Variants in GABRB1 observed in about 807,000 individuals in gnomAD.
GABRB1 encodes gamma-aminobutyric acid receptor subunit beta-1.
GABRB1 carries 17 observed loss-of-function variants against 51.6 expected under a neutral mutation model. That is an observed-to-expected ratio of 0.33 (90% CI 0.23 to 0.49). The LOEUF (loss-of-function observed/expected upper bound fraction) is 0.49. Among genes scored for constraint, GABRB1 ranks in the 20% least tolerant of loss-of-function variants. GABRB1 has a pLI of 0.99. For synonymous variants in GABRB1, 247 were observed against 218.9 expected, an observed-to-expected ratio of 1.13 and a Z score of -1.14; for missense variants, 410 against 600.6, an observed-to-expected ratio of 0.68 and a Z score of 3.32.
intron 5 of GABRB1, among the ~76,000 whole-genome samples, chr4:47,327,548 C>T (rs545932865): frequency 6.6e-6 from 1 of 152,210 alleles, no homozygotes; most frequent in African/African-American, 2.4e-5. Context: ...TACACTATGA[C>T]CAAGTTTTCA....
intron 4 of GABRB1, among the ~76,000 whole-genome samples, chr4:47,279,434 A>G (rs1457999309): frequency 6.6e-6 from 1 of 152,148 alleles, no homozygotes; most frequent in East Asian, 1.9e-4. Context: ...TTTTGCTTAA[A>G]TTTTTAGTGT....
intron 4 of GABRB1, among the ~76,000 whole-genome samples, chr4:47,205,449 T>C (rs973694551): frequency 3.9e-5 from 6 of 152,166 alleles, no homozygotes; most frequent in African/African-American, 1.4e-4. Flanking sequence ...CTTTATTGAC[T>C]TTATGTCCTT....
intron 3 of GABRB1, among the ~76,000 whole-genome samples, chr4:47,064,363 G>A (rs188868545): frequency 8.9e-4 from 136 of 152,162 alleles, no homozygotes; most frequent in African/African-American, 3.0e-3. Context: ...GGCCAGGTGC[G>A]GTGGCTCACG....
At chr4:46,996,566 C>T (rs1016345392) in intron 1 of GABRB1, among the ~76,000 whole-genome samples, 1 of 152,108 alleles carries the variant, frequency 6.6e-6, no homozygotes. Context: ...TTCTTATAGG[C>T]CATGGACAAC....
intron 5 of GABRB1, among the ~76,000 whole-genome samples, chr4:47,335,726 G>A (rs905907453): frequency 2.6e-5 from 4 of 152,078 alleles, no homozygotes; most frequent in Non-Finnish European, 5.9e-5. Context: ...TCCATTTGAA[G>A]ATGAATAATA....
At chr4:47,161,167 C>A in intron 3 of GABRB1, 82 bp from the exon 4 acceptor site, 1 of 928,472 alleles carries the variant, frequency 1.1e-6, no homozygotes, top group Non-Finnish European at 1.6e-6. Context: ...TAATCTCTTA[C>A]AGGACATCCT....
At chr4:47,110,955 G>T (rs2109626660) in intron 3 of GABRB1, among the ~76,000 whole-genome samples, 2 of 152,118 alleles carry the variant, frequency 1.3e-5, no homozygotes, top group South Asian at 4.2e-4. Context: ...AGTGAATTTA[G>T]ATTATAATTG....
rs1352671189 is a variant in GABRB1, at chr4:47,093,055, G to A, written c.240+60571G>A. On this transcript the variant is annotated intron_variant, in intron 3 of 8. Transcript: ENST00000295454. ...CTTCTCACACAACTTGGTTTTACAGGAAATTGTTCTCTTTTATTAAGTTAA... is the reference window on the plus strand; with the variant it reads ...CTTCTCACACAACTTGGTTTTACAGAAAATTGTTCTCTTTTATTAAGTTAA... Among the ~76,000 whole-genome samples the A allele has an allele frequency of 2.6e-5, 4 of 152,174 alleles. No individual in the cohort carries two copies. In the South Asian group the frequency reaches 6.2e-4, roughly 24 times the overall value.
intron 1 of GABRB1, among the ~76,000 whole-genome samples, chr4:47,006,344 A>G (rs1474992293): frequency 6.6e-6 from 1 of 152,144 alleles, no homozygotes; most frequent in African/African-American, 2.4e-5. Flanking sequence ...TATATAATAC[A>G]TATAATACAG....
At chr4:47,106,748 G>GT in intron 3 of GABRB1, among the ~76,000 whole-genome samples, 1 of 152,052 alleles carries the variant, frequency 6.6e-6, no homozygotes, top group South Asian at 2.1e-4. Flanking sequence ...CTCTTTCCGA[G>GT]GTTGCTTAAT....
At chr4:47,142,521 C>T (rs1469157304) in intron 3 of GABRB1, among the ~76,000 whole-genome samples, 1 of 151,774 alleles carries the variant, frequency 6.6e-6, no homozygotes, top group Non-Finnish European at 1.5e-5. Context: ...GCCATTTAAG[C>T]AAAGAAGCGA....
chr4:47,195,216 A>C (rs1479802742), intron 4 of GABRB1, among the ~76,000 whole-genome samples: 1 of 152,062 alleles, frequency 6.6e-6, no homozygotes, highest in African/African-American at 2.4e-5. Flanking sequence ...AATACGAAAA[A>C]ATTAGCCGGG....
Position 47,252,507 on chromosome 4 carries a change from C to CTTTTT in GABRB1, c.462-67606_462-67602dup, listed in dbSNP as rs34442754. Among the ~76,000 whole-genome samples, 73 of 116,326 alleles carry CTTTTT rather than the reference C, an allele frequency of 6.3e-4. 2 individuals are homozygous for CTTTTT. The highest frequency in any genetic ancestry group is 2.2e-3 in the African/African-American group (66 of 29,558). 76.3% of individuals were successfully genotyped at this position (116,326 alleles called of 152,430 possible). A position where few individuals can be genotyped will look rare whatever the true frequency, so the allele number is the denominator to read the frequency against. ...CTAAGAAACCATTAATAGCAATTGC[C>CTTTTT]TTTTTTTTTTTTTTTTTTGAGATGG... On this transcript the variant is annotated intron_variant, in intron 4 of 8. Coordinates refer to ENST00000295454, the MANE Select transcript of GABRB1 (RefSeq NM_000812.4).
intron 3 of GABRB1, among the ~76,000 whole-genome samples, chr4:47,054,298 C>G (rs1726492192): frequency 6.6e-6 from 1 of 152,130 alleles, no homozygotes; most frequent in Non-Finnish European, 1.5e-5. Flanking sequence ...CTAGGTACTT[C>G]AGTGGAAAGA....
At chr4:47,291,122 TC>T (rs1231086342) in intron 4 of GABRB1, among the ~76,000 whole-genome samples, 1 of 151,946 alleles carries the variant, frequency 6.6e-6, no homozygotes, top group Non-Finnish European at 1.5e-5. Context: ...GGGCCCAGGG[TC>T]CCCCACTGTG....
At position 47,179,353 on chromosome 4, in the gene GABRB1, C is replaced by T. The variant is rs146513256; in HGVS notation, c.461+17884C>T. ...CTATCATTGAAGGGCATAGTTCAAA[C>T]ATTGTGGAAGACAGTGTGGCGATTC... On this transcript the variant is annotated intron_variant, in intron 4 of 8. Coordinates refer to ENST00000295454, the MANE Select transcript of GABRB1 (RefSeq NM_000812.4). 2.9e-3 allele frequency among the ~76,000 whole-genome samples: 441 copies of T among 152,186 alleles called. 3 individuals carry two copies. Among genetic ancestry groups the T allele is most frequent in the African/African-American group, 9.5e-3 (396 of 41,540 alleles).
At chr4:47,376,932 C>A (rs1051248501) in intron 5 of GABRB1, among the ~76,000 whole-genome samples, 1 of 152,156 alleles carries the variant, frequency 6.6e-6, no homozygotes, top group East Asian at 1.9e-4. Context: ...ATGAATGTTT[C>A]TTTTCTCCTC....
chr4:47,035,514 T>C (rs1399821213), intron 3 of GABRB1, among the ~76,000 whole-genome samples: 3 of 152,206 alleles, frequency 2.0e-5, no homozygotes, highest in African/African-American at 7.2e-5. Context: ...TGGGATATAC[T>C]GTTTGTGTGA....
At chr4:47,099,054 G>C (rs1714601713) in intron 3 of GABRB1, among the ~76,000 whole-genome samples, 1 of 152,034 alleles carries the variant, frequency 6.6e-6, no homozygotes, top group Non-Finnish European at 1.5e-5. Flanking sequence ...AAAGTATACA[G>C]TACTCCCCTC....
Sources: allele counts gnomAD v4.1 joint callset (sites outside exome capture counted in the v4.1 genomes callset), GRCh38; gene constraint gnomAD v4.1.1; transcripts MANE v1.5; gene names NCBI Gene and HGNC (gene_info 2026-07-23, HGNC 2026-07-21).